Variants in PAX7 observed in about 807,000 individuals in gnomAD.
The protein encoded by PAX7 is paired box protein Pax-7.
A neutral mutation model predicts 50.7 loss-of-function variants in PAX7; 18 were observed. The observed-to-expected ratio is 0.36, with a 90% CI of 0.25 to 0.53. The LOEUF is 0.53. PAX7 is among the 20% of genes least tolerant of loss of function. PAX7 has a pLI of 0.93. For synonymous variants in PAX7, 310 were observed against 290.4 expected (o/e 1.07, Z -0.69); for missense variants, 644 against 702.9 (o/e 0.92, Z 0.95).
chr1:18,643,652 G>T (rs1368870314), intron 4 of PAX7, among the ~76,000 whole-genome samples: 1 of 152,200 alleles, frequency 6.6e-6, no homozygotes, highest in Non-Finnish European at 1.5e-5. Flanking sequence ...CCGGGCAGCG[G>T]CTAGGGGAAG....
At chr1:18,709,421 C>T (rs1181943007) in intron 7 of PAX7, among the ~76,000 whole-genome samples, 2 of 152,252 alleles carry the variant, frequency 1.3e-5, no homozygotes, top group Non-Finnish European at 2.9e-5. Flanking sequence ...GAAGAATATT[C>T]TCTAAGTGTG....
chr1:18,698,480 G>A (rs1009721644), intron 5 of PAX7, among the ~76,000 whole-genome samples: 2 of 152,180 alleles, frequency 1.3e-5, no homozygotes, highest in Admixed American at 1.3e-4. Context: ...GGAGGCCTGG[G>A]AGAGAAGTGG....
At chr1:18,674,965 C>G (rs944719775) in intron 4 of PAX7, among the ~76,000 whole-genome samples, 1 of 152,186 alleles carries the variant, frequency 6.6e-6, no homozygotes, top group Non-Finnish European at 1.5e-5. Flanking sequence ...TCTGATGCTG[C>G]TAACACTTGA....
At chr1:18,725,257 G>T (rs944644884) in intron 7 of PAX7, among the ~76,000 whole-genome samples, 4 of 150,052 alleles carry the variant, frequency 2.7e-5, no homozygotes, top group Non-Finnish European at 5.9e-5. Context: ...GTCCCTGCCA[G>T]AGCCAATCTG....
Position 18,700,858 on chromosome 1 carries a change from C to A in PAX7, c.952+40C>A. The A allele has an allele frequency of 7.4e-7, 1 of 1,350,570 alleles. No homozygotes were observed. The highest frequency in any genetic ancestry group is 9.6e-7 in the Non-Finnish European group (1 of 1,039,154). 83.7% of individuals were successfully genotyped at this position (1,350,570 alleles called of 1,614,324 possible). A position where few individuals can be genotyped will look rare whatever the true frequency, so the allele number is the denominator to read the frequency against. On this transcript the variant is annotated intron_variant, in intron 6 of 8. Transcript: ENST00000420770. This position sits in a 1 kb window ranked among gnomAD's most constrained non-coding sequence, Gnocchi z 4.8. ...CCCGTCCTGCCATCTCAGTGGTGCCCCTTCCCTTCTTTCTTTACTTTCACT... is the reference window on the plus strand; with the variant it reads ...CCCGTCCTGCCATCTCAGTGGTGCCACTTCCCTTCTTTCTTTACTTTCACT...
chr1:18,635,225 A>C lies in PAX7; in HGVS notation c.436A>C (p.Ser146Arg), dbSNP rs1360451940. ...GCTGAAGGATGGGCACTGTGACCGA[A>C]GCACTGTGCCCTCAGGTGAGAAGGC... ...RLLKDGHCDR[S>R]TVPSGLVSSI... Residue 146 changes from serine to arginine, a missense_variant, in exon 3 of 9, where the codon AGC becomes CGC. Transcript: ENST00000420770. 3 of 1,613,480 alleles carry C rather than the reference A, an allele frequency of 1.9e-6. No individual in the cohort carries two copies. The highest frequency in any genetic ancestry group is 1.6e-4 in the Middle Eastern group (1 of 6,076).
At chr1:18,743,086 C>T (rs1931234187) in intron 8 of PAX7, among the ~76,000 whole-genome samples, 1 of 152,212 alleles carries the variant, frequency 6.6e-6, no homozygotes, top group Non-Finnish European at 1.5e-5. Flanking sequence ...CAATCCTAGT[C>T]TTCTGCTGCT....
chr1:18,706,305 C>T (rs894736082), intron 7 of PAX7, among the ~76,000 whole-genome samples: 1 of 152,144 alleles, frequency 6.6e-6, no homozygotes, highest in Non-Finnish European at 1.5e-5. Flanking sequence ...CTATAGCTCA[C>T]CTGGGCAAGA....
At chr1:18,667,348 G>C (rs996473505) in intron 4 of PAX7, among the ~76,000 whole-genome samples, 5 of 150,812 alleles carry the variant, frequency 3.3e-5, no homozygotes, top group Non-Finnish European at 7.4e-5. Context: ...TTCAGAGAGT[G>C]GAAGGAAGGA....
chr1:18,643,717 T>C (rs1272629202), intron 4 of PAX7, among the ~76,000 whole-genome samples: 1 of 152,160 alleles, frequency 6.6e-6, no homozygotes, highest in Non-Finnish European at 1.5e-5. Context: ...CTTCGCCTTA[T>C]CAGAAGCGCT....
Position 18,631,353 on chromosome 1 carries a change from AC to A in PAX7, c.-250del. On this transcript the variant is annotated 5_prime_UTR_variant, in exon 1 of 9. Coordinates refer to ENST00000420770, the MANE Select transcript of PAX7 (RefSeq NM_001135254.2). ...GGGGTTGGAGTGTTTGTTTGTTTGA[AC>A]TTCCTCGTCGTCGCCACCTTCCCTC... 2.0e-6 allele frequency: 1 copy of A among 502,728 alleles called. No homozygotes were observed. Among genetic ancestry groups the A allele is most frequent in the Non-Finnish European group, 3.6e-6 (1 of 278,694 alleles). 31.1% of individuals were successfully genotyped at this position (502,728 alleles called of 1,614,324 possible). A position where few individuals can be genotyped will look rare whatever the true frequency, so the allele number is the denominator to read the frequency against.
intron 4 of PAX7, among the ~76,000 whole-genome samples, chr1:18,665,287 T>A (rs1375659611): frequency 2.0e-5 from 3 of 152,192 alleles, no homozygotes; most frequent in Admixed American, 6.5e-5. Flanking sequence ...CTAGCCAACC[T>A]GTGAAGGTGA....
intron 7 of PAX7, among the ~76,000 whole-genome samples, chr1:18,718,617 AC>A (rs1375064884): frequency 6.9e-6 from 1 of 145,704 alleles, no homozygotes; most frequent in Non-Finnish European, 1.5e-5. Context: ...GTCCCTGTGC[AC>A]CCCAATGGTA....
chr1:18,690,190 A>G (rs1341425618), intron 4 of PAX7, among the ~76,000 whole-genome samples: 3 of 152,156 alleles, frequency 2.0e-5, no homozygotes, highest in Non-Finnish European at 1.5e-5. Context: ...GCTTTAGGGG[A>G]AGGAGTGAAT....
intron 7 of PAX7, among the ~76,000 whole-genome samples, chr1:18,720,357 A>G (rs545983028): frequency 6.6e-6 from 1 of 152,334 alleles, no homozygotes; most frequent in South Asian, 2.1e-4. Context: ...GAGGCAGGAG[A>G]GCAAGGGAGG....
chr1:18,727,519 A>G (rs747419647), intron 7 of PAX7, among the ~76,000 whole-genome samples: 18 of 152,308 alleles, frequency 1.2e-4, no homozygotes, highest in Non-Finnish European at 2.1e-4. Context: ...TCGAGAGTCA[A>G]GGGTCCTTGC....
chr1:18,718,683 G>A (rs1308864832), intron 7 of PAX7, among the ~76,000 whole-genome samples: 3 of 149,842 alleles, frequency 2.0e-5, no homozygotes, highest in Non-Finnish European at 3.0e-5. Context: ...TCGCTGTGTC[G>A]CCAGGCTGGA....
intron 7 of PAX7, among the ~76,000 whole-genome samples, chr1:18,734,330 C>A (rs1305316464): frequency 6.6e-6 from 1 of 152,144 alleles, no homozygotes; most frequent in Non-Finnish European, 1.5e-5. Context: ...TAAAGGGCGG[C>A]ATCACCAGGA....
intron 5 of PAX7, among the ~76,000 whole-genome samples, chr1:18,694,000 C>T (rs890912503): frequency 1.3e-5 from 2 of 152,222 alleles, no homozygotes; most frequent in Admixed American, 6.5e-5. Context: ...CCTCCTGCGT[C>T]TTATTGACTT....
Sources: allele counts gnomAD v4.1 joint callset (sites outside exome capture counted in the v4.1 genomes callset), GRCh38; gene constraint gnomAD v4.1.1; non-coding constraint Gnocchi (gnomAD v3.1); transcripts MANE v1.5; gene names NCBI Gene and HGNC (gene_info 2026-07-23, HGNC 2026-07-21).